Variants in DOCK4 observed in about 807,000 individuals in gnomAD.
The protein encoded by DOCK4 is dedicator of cytokinesis protein 4.
DOCK4 carries 97 observed loss-of-function variants against 268.1 expected under a neutral mutation model. The ratio of observed to expected loss-of-function variants is 0.36; its 90% CI spans 0.31 to 0.43. The LOEUF is 0.43. Among genes scored for constraint, DOCK4 ranks in the 20% least tolerant of loss-of-function variants. DOCK4 has a pLI of 1.00. For missense variants in DOCK4, 2,145 were observed against 2,455.7 expected (o/e 0.87, Z 2.67); for synonymous variants, 954 against 887.2 (o/e 1.08, Z -1.34).
intron 1 of DOCK4, among the ~76,000 whole-genome samples, chr7:112,106,169 G>A (rs1178615481): frequency 2.6e-5 from 4 of 152,184 alleles, no homozygotes; most frequent in East Asian, 3.9e-4. Context: ...CTGCAGATAC[G>A]AATAAATACA....
intron 25 of DOCK4, chr7:111,840,794 T>C (rs1803623196): frequency 1.5e-6 from 2 of 1,321,340 alleles, no homozygotes; most frequent in African/African-American, 1.5e-5. Context: ...CACTTTTCCA[T>C]ATGTGTCTGC....
At chr7:112,095,209 G>T (rs981932855) in intron 1 of DOCK4, among the ~76,000 whole-genome samples, 1 of 152,150 alleles carries the variant, frequency 6.6e-6, no homozygotes, top group East Asian at 1.9e-4. Flanking sequence ...GCAAGGAGGA[G>T]TCAAAGAAAG....
At chr7:112,126,318 G>T (rs1487163256) in intron 1 of DOCK4, among the ~76,000 whole-genome samples, 1 of 152,004 alleles carries the variant, frequency 6.6e-6, no homozygotes, top group Non-Finnish European at 1.5e-5. Context: ...CAGAGAATTG[G>T]GTATTATCAT....
intron 30 of DOCK4, among the ~76,000 whole-genome samples, chr7:111,797,416 C>T (rs1250729822): frequency 1.3e-5 from 2 of 152,076 alleles, no homozygotes; most frequent in Non-Finnish European, 2.9e-5. Context: ...AGAAGTTTTC[C>T]AAAATTTAAC....
chr7:111,774,130 A>G (rs1279678566), intron 36 of DOCK4, among the ~76,000 whole-genome samples: 1 of 152,200 alleles, frequency 6.6e-6, no homozygotes, highest in African/African-American at 2.4e-5. Flanking sequence ...TAACCATATA[A>G]TATGCAATTA....
At chr7:111,822,316 T>A in intron 27 of DOCK4, 46 bp downstream of exon 27, 1 of 1,498,940 alleles carries the variant, frequency 6.7e-7, no homozygotes, top group Admixed American at 1.8e-5. Context: ...ACTCCCTTCT[T>A]CCTCTATACA....
intron 23 of DOCK4, 94 bp downstream of exon 23, chr7:111,863,278 T>G: frequency 7.6e-7 from 1 of 1,317,914 alleles, no homozygotes; most frequent in Non-Finnish European, 1.1e-6. Context: ...TGCCTTTTAG[T>G]GTTTTGTTTT....
intron 1 of DOCK4, among the ~76,000 whole-genome samples, chr7:112,098,052 T>C (rs1315048900): frequency 6.6e-6 from 1 of 152,206 alleles, no homozygotes; most frequent in African/African-American, 2.4e-5. Flanking sequence ...ACAGCAGAAA[T>C]GTGAGTAAAC....
intron 23 of DOCK4, among the ~76,000 whole-genome samples, chr7:111,859,211 C>A (rs142076337): frequency 6.6e-6 from 1 of 152,208 alleles, no homozygotes; most frequent in East Asian, 1.9e-4. Context: ...TGTAGAGATG[C>A]TGGTAATACC....
chr7:112,160,918 T>C (rs568786335), intron 1 of DOCK4, among the ~76,000 whole-genome samples: 1 of 152,196 alleles, frequency 6.6e-6, no homozygotes, highest in African/African-American at 2.4e-5. Flanking sequence ...TAAGCAGGAC[T>C]CGAGGCCCCC....
intron 36 of DOCK4, among the ~76,000 whole-genome samples, chr7:111,772,727 T>C (rs752697307): frequency 6.6e-5 from 10 of 152,202 alleles, no homozygotes; most frequent in Admixed American, 1.3e-4. Context: ...ACCCAGGAGA[T>C]GGAGGTTGCA....
At chr7:111,736,583 G>A (rs547263252) in intron 50 of DOCK4, among the ~76,000 whole-genome samples, 4 of 152,270 alleles carry the variant, frequency 2.6e-5, no homozygotes, top group African/African-American at 7.2e-5. Context: ...TCCGGGTGAA[G>A]CTATTTTCAT....
At chr7:111,834,454 A>G in intron 26 of DOCK4, 134 bp downstream of exon 26, 2 of 667,680 alleles carry the variant, frequency 3.0e-6, no homozygotes, top group Non-Finnish European at 2.5e-6. Flanking sequence ...TCTGTGGATG[A>G]GGCTGAGAAA....
intron 1 of DOCK4, among the ~76,000 whole-genome samples, chr7:112,194,619 C>T (rs1354972817): frequency 6.6e-6 from 1 of 152,162 alleles, no homozygotes; most frequent in Non-Finnish European, 1.5e-5. Flanking sequence ...GAAAGGAAAC[C>T]TCACAAAGGA....
intron 4 of DOCK4, among the ~76,000 whole-genome samples, chr7:111,995,913 T>C (rs1051973554): frequency 6.6e-6 from 1 of 152,226 alleles, no homozygotes; most frequent in Non-Finnish European, 1.5e-5. Context: ...CAGTAATATA[T>C]AAACTGTGAC....
At chr7:111,857,072 G>A (rs565136479) in intron 23 of DOCK4, among the ~76,000 whole-genome samples, 2 of 152,072 alleles carry the variant, frequency 1.3e-5, no homozygotes, top group Non-Finnish European at 2.9e-5. Context: ...GTAATCACTT[G>A]CAATGCAATA....
intron 30 of DOCK4, among the ~76,000 whole-genome samples, chr7:111,802,781 AAT>A (rs1182264025): frequency 4.6e-5 from 7 of 152,314 alleles, no homozygotes; most frequent in African/African-American, 1.7e-4. Context: ...AATCACAGAA[AAT>A]AGTTAAAAAA....
intron 1 of DOCK4, among the ~76,000 whole-genome samples, chr7:112,168,331 T>C (rs1679971607): frequency 6.6e-6 from 1 of 152,222 alleles, no homozygotes. Flanking sequence ...TGCTTTCACC[T>C]GGACATGCTG....
intron 30 of DOCK4, among the ~76,000 whole-genome samples, chr7:111,803,177 G>C (rs148002184): frequency 2.0e-3 from 304 of 152,282 alleles, no homozygotes; most frequent in Admixed American, 4.1e-3. Flanking sequence ...GGTCAGAGAA[G>C]CCACACCTAC....
Sources: allele counts gnomAD v4.1 joint callset (sites outside exome capture counted in the v4.1 genomes callset), GRCh38; gene constraint gnomAD v4.1.1; transcripts MANE v1.5; gene names NCBI Gene and HGNC (gene_info 2026-07-23, HGNC 2026-07-21).